GLIS3: variants seen among roughly 807,000 people sequenced by gnomAD.
GLIS3 encodes zinc finger protein GLIS3.
A neutral mutation model predicts 78.6 loss-of-function variants in GLIS3; 53 were observed. That is an observed-to-expected ratio of 0.67 (90% confidence interval 0.54 to 0.85). The LOEUF (loss-of-function observed/expected upper bound fraction) is 0.85. GLIS3 is among the 40% of genes least tolerant of loss of function. GLIS3 has a pLI of 0.00. For missense variants in GLIS3, 1,703 were observed against 1,231.1 expected, an observed-to-expected ratio of 1.38 and a Z score of -5.74; for synonymous variants, 684 against 509.9, an observed-to-expected ratio of 1.34 and a Z score of -4.60.
chr9:4,158,649 CATTT>C (rs1218493306), intron 2 of GLIS3, among the ~76,000 whole-genome samples: 4 of 152,186 alleles, frequency 2.6e-5, no homozygotes, highest in East Asian at 1.9e-4. Flanking sequence ...AGCATTCATT[CATTT>C]GTCCATCCAT....
chr9:3,849,378 C>T (rs1819274162), intron 9 of GLIS3, among the ~76,000 whole-genome samples: 2 of 152,198 alleles, frequency 1.3e-5, no homozygotes, highest in Admixed American at 1.3e-4. Flanking sequence ...GCTAAAATAT[C>T]CATCTTCCCT....
chr9:4,236,184 C>CAAAAAAAAAAAAAAAAAAAAAAAAAA (rs59839951), intron 2 of GLIS3, among the ~76,000 whole-genome samples: 1 of 84,306 alleles, frequency 1.2e-5, no homozygotes, highest in South Asian at 4.9e-4. Flanking sequence ...GTGGTTGTCA[C>CAAAAAAAAAAAAAAAAAAAAAAAAAA]AAAAAAAAAA....
Position 4,019,952 on chromosome 9 carries a change from A to T in GLIS3, c.1711-82763T>A, listed in dbSNP as rs60867913. Reference sequence around the variant, plus strand: ...TAAATTTTTTTTGTAGAGACGGGGTATTGTTATGTTACACAGGCTGGTCCT... The same window carrying T: ...TAAATTTTTTTTGTAGAGACGGGGTTTTGTTATGTTACACAGGCTGGTCCT... On this transcript the variant is annotated intron_variant, in intron 4 of 10. Coordinates refer to ENST00000381971, the MANE Select transcript of GLIS3 (RefSeq NM_001042413.2). Among the ~76,000 whole-genome samples the T allele has an allele frequency of 1.3e-3, 191 of 152,172 alleles. 1 individual carries two copies. The highest frequency in any genetic ancestry group is 4.4e-3 in the African/African-American group (181 of 41,502).
intron 9 of GLIS3, among the ~76,000 whole-genome samples, chr9:3,852,918 A>G (rs571651186): frequency 6.6e-6 from 1 of 152,310 alleles, no homozygotes; most frequent in Admixed American, 6.5e-5. Context: ...TTAGAATGTG[A>G]AAGTTAGGGC....
intron 4 of GLIS3, among the ~76,000 whole-genome samples, chr9:3,958,713 A>T (rs749536101): frequency 3.3e-5 from 5 of 152,230 alleles, no homozygotes; most frequent in Non-Finnish European, 7.3e-5. Context: ...AAACAAACAA[A>T]TGCAATAGAA....
chr9:4,463,667 G>C, the GLIS3 span, among the ~76,000 whole-genome samples: 1 of 152,114 alleles, frequency 6.6e-6, no homozygotes, highest in South Asian at 2.1e-4. Context: ...ACAAGAAAGT[G>C]AAAAAAATAT....
chr9:3,856,128 G>C lies in GLIS3; in HGVS notation c.2354C>G (p.Pro785Arg). 1 of 1,614,166 alleles carries C rather than the reference G, an allele frequency of 6.2e-7. No individual in the cohort carries two copies. The highest frequency in any genetic ancestry group is 8.5e-7 in the Non-Finnish European group (1 of 1,180,020). Residue 785 changes from proline to arginine, a missense_variant, in exon 9 of 11, where the codon CCT (proline) becomes CGT (arginine). Physicochemically the swap from Pro to Arg is moderately radical, Grantham distance 103. Transcript: ENST00000381971. ...HHISPRRVPA[P>R]SSILQRTQPP... ...CTGTGTTCTTTGCAGTATTGAAGAA[G>C]GAGCTGGAACTCTCCGGGGGCTGAT...
chr9:4,258,835 T>C lies in GLIS3; in HGVS notation c.388+27203A>G, dbSNP rs115305130. 5.9e-3 allele frequency among the ~76,000 whole-genome samples: 893 copies of C among 152,316 alleles called. 8 individuals are homozygous for C. Among genetic ancestry groups the C allele is most frequent in the African/African-American group, 0.02 (851 of 41,564 alleles). On this transcript the variant is annotated intron_variant, in intron 2 of 10. Coordinates refer to ENST00000381971, the MANE Select transcript of GLIS3 (RefSeq NM_001042413.2). ...TGCACTACCCCAGCAGGACATTACTTGCATTCTTTTCTTTCTTTTCTCATT... is the reference window on the plus strand; with the variant it reads ...TGCACTACCCCAGCAGGACATTACTCGCATTCTTTTCTTTCTTTTCTCATT...
At chr9:3,936,986 C>A (rs576229814) in intron 5 of GLIS3, 42 bp downstream of exon 5, 5 of 1,611,458 alleles carry the variant, frequency 3.1e-6, no homozygotes, top group Non-Finnish European at 4.2e-6. Context: ...TTCCTCACAC[C>A]AGGCGCTGGG....
At chr9:3,882,240 G>T (rs994560529) in intron 7 of GLIS3, among the ~76,000 whole-genome samples, 16 of 152,116 alleles carry the variant, frequency 1.1e-4, no homozygotes, top group African/African-American at 3.9e-4. Flanking sequence ...GGAATCTCGG[G>T]GCTCAGTGAC....
intron 7 of GLIS3, among the ~76,000 whole-genome samples, chr9:3,894,959 C>A (rs1822718705): frequency 1.3e-5 from 2 of 152,148 alleles, no homozygotes; most frequent in Admixed American, 6.5e-5. Context: ...TGGCTTAGGT[C>A]ATTTGCTAAG....
intron 2 of GLIS3, among the ~76,000 whole-genome samples, chr9:4,317,539 G>A (rs1468358222): frequency 6.6e-6 from 1 of 152,088 alleles, no homozygotes; most frequent in Non-Finnish European, 1.5e-5. Flanking sequence ...AATAACAATG[G>A]CAAAAAATGC....
At chr9:3,842,296 AC>A (rs1024469243) in intron 9 of GLIS3, among the ~76,000 whole-genome samples, 18 of 152,174 alleles carry the variant, frequency 1.2e-4, no homozygotes, top group African/African-American at 3.9e-4. Context: ...AGATGGTGAA[AC>A]CCTGTCTCTA....
the GLIS3 span, among the ~76,000 whole-genome samples, chr9:4,356,621 G>C: frequency 6.5e-4 from 99 of 152,250 alleles, no homozygotes; most frequent in Middle Eastern, 3.4e-3. Context: ...AAAATACAAA[G>C]GGAACACAGC....
intron 2 of GLIS3, among the ~76,000 whole-genome samples, chr9:4,251,368 CTT>C (rs1406905291): frequency 2.0e-5 from 3 of 150,378 alleles, no homozygotes; most frequent in East Asian, 2.0e-4. Context: ...TAATGCCCCT[CTT>C]TATCTTTTTT....
intron 4 of GLIS3, among the ~76,000 whole-genome samples, chr9:3,959,527 A>G (rs1474737993): frequency 6.6e-6 from 1 of 152,180 alleles, no homozygotes; most frequent in Non-Finnish European, 1.5e-5. Context: ...TCCTCTTTGC[A>G]GTTGCCCAGC....
chr9:4,174,444 G>C (rs1006983814), intron 2 of GLIS3, among the ~76,000 whole-genome samples: 2 of 152,054 alleles, frequency 1.3e-5, no homozygotes, highest in Non-Finnish European at 2.9e-5. Flanking sequence ...TTTCAACTTA[G>C]AATAATTAAG....
At chr9:4,113,701 G>T (rs1307465358) in intron 4 of GLIS3, among the ~76,000 whole-genome samples, 1 of 152,188 alleles carries the variant, frequency 6.6e-6, no homozygotes, top group Non-Finnish European at 1.5e-5. Context: ...TGAGGCCAAA[G>T]CTGGCTTGTG....
chr9:3,856,069 G>C lies in GLIS3; in HGVS notation c.2413C>G (p.Leu805Val), dbSNP rs777777838. ...PYTQQPSGSH[L>V]KSYQPETNSS... ...TTTGTTTCTGGCTGATAGGACTTCA[G>C]GTGTGAACCTGATGGCTGCTGGGTA... is the stretch of plus-strand genomic sequence containing the variant. The change falls in exon 9 of 11, where the codon CTG becomes GTG. Residue 805 changes from leucine (L) to valine (V), a missense_variant. Leu to Val is a conservative substitution (Grantham distance 32). Transcript: ENST00000381971. 1 of 1,614,198 alleles carries C rather than the reference G, an allele frequency of 6.2e-7. No individual in the cohort carries two copies. The highest frequency in any genetic ancestry group is 1.7e-5 in the Admixed American group (1 of 60,020).
Sources: allele counts gnomAD v4.1 joint callset (sites outside exome capture counted in the v4.1 genomes callset), GRCh38; gene constraint gnomAD v4.1.1; transcripts MANE v1.5; gene names NCBI Gene and HGNC (gene_info 2026-07-23, HGNC 2026-07-21).